TMEM63C: variants seen among roughly 807,000 people sequenced by gnomAD.
TMEM63C encodes the protein transmembrane protein 63C, also known as osmosensitive cation channel TMEM63C.
TMEM63C carries 32 observed loss-of-function variants against 99.2 expected under a neutral mutation model. That is an observed-to-expected ratio of 0.32 (90% CI 0.24 to 0.43). The LOEUF (loss-of-function observed/expected upper bound fraction) is 0.43. TMEM63C is among the 20% of genes least tolerant of loss of function. The pLI, the probability that TMEM63C is intolerant of heterozygous loss-of-function variation, is 1.00. For missense variants in TMEM63C, 826 were observed against 1,053.0 expected, an observed-to-expected ratio of 0.78 and a Z score of 2.98; for synonymous variants, 376 against 397.9, an observed-to-expected ratio of 0.94 and a Z score of 0.66.
intron 1 of TMEM63C, among the ~76,000 whole-genome samples, chr14:77,206,610 T>C (rs989651820): frequency 2.0e-5 from 3 of 152,214 alleles, no homozygotes; most frequent in African/African-American, 7.2e-5. Flanking sequence ...CTGGGCTGCA[T>C]GTCACTGTGA....
chr14:77,245,333 G>A (rs1249657658), intron 16 of TMEM63C, among the ~76,000 whole-genome samples: 2 of 152,174 alleles, frequency 1.3e-5, no homozygotes, highest in Non-Finnish European at 2.9e-5. Flanking sequence ...GCTCACAGTG[G>A]TGTATGGAGA....
At chr14:77,254,979 C>T (rs987902056) in intron 23 of TMEM63C, among the ~76,000 whole-genome samples, 5 of 152,118 alleles carry the variant, frequency 3.3e-5, no homozygotes, top group African/African-American at 1.2e-4. Flanking sequence ...ACTGCACATA[C>T]TGTTTTATAA....
intron 1 of TMEM63C, among the ~76,000 whole-genome samples, chr14:77,186,776 G>GGTGCGTGTGTGTGTGTGTGT (rs1888001633): frequency 1.4e-5 from 2 of 138,550 alleles, no homozygotes; most frequent in East Asian, 4.1e-4. Flanking sequence ...GAACCAAAGG[G>GGTGCGTGTGTGTGTGTGTGT]GTGTGTGTGT....
At chr14:77,190,464 G>C (rs1482243191) in intron 1 of TMEM63C, among the ~76,000 whole-genome samples, 2 of 152,066 alleles carry the variant, frequency 1.3e-5, no homozygotes, top group African/African-American at 2.4e-5. Context: ...GACAAAGATA[G>C]CACAAAAAGA....
chr14:77,194,272 A>G (rs1447581600), intron 1 of TMEM63C, among the ~76,000 whole-genome samples: 3 of 152,154 alleles, frequency 2.0e-5, no homozygotes, highest in Non-Finnish European at 4.4e-5. Context: ...CAAAGCAAAT[A>G]TAAGTACTGG....
At chr14:77,227,482 G>A (rs1888849699) in intron 6 of TMEM63C, among the ~76,000 whole-genome samples, 1 of 152,230 alleles carries the variant, frequency 6.6e-6, no homozygotes. Flanking sequence ...TGACAAAGGA[G>A]CTGTTGAAAA....
chr14:77,186,161 G>A (rs1027472775), intron 1 of TMEM63C, among the ~76,000 whole-genome samples: 2 of 152,032 alleles, frequency 1.3e-5, no homozygotes, highest in Non-Finnish European at 2.9e-5. Flanking sequence ...ACAGGCGTGC[G>A]CCAACACGTC....
At chr14:77,211,802 G>A (rs1888501478) in intron 1 of TMEM63C, among the ~76,000 whole-genome samples, 1 of 152,190 alleles carries the variant, frequency 6.6e-6, no homozygotes, top group South Asian at 2.1e-4. Flanking sequence ...AATGGGACAG[G>A]AAGAGGGCCA....
chr14:77,246,441 C>T (rs759073650), intron 17 of TMEM63C, among the ~76,000 whole-genome samples, 168 bp from the exon 18 acceptor site: 4 of 152,162 alleles, frequency 2.6e-5, no homozygotes, highest in African/African-American at 9.7e-5. Context: ...CCAAAGGGCT[C>T]GGGGCCAGGA....
intron 2 of TMEM63C, among the ~76,000 whole-genome samples, chr14:77,217,555 G>C (rs1473394248): frequency 1.3e-5 from 2 of 152,244 alleles, no homozygotes; most frequent in Non-Finnish European, 2.9e-5. Context: ...TGGAAGTGAA[G>C]GGTTTCCAGG....
At chr14:77,206,655 C>G (rs1888408352) in intron 1 of TMEM63C, among the ~76,000 whole-genome samples, 1 of 152,162 alleles carries the variant, frequency 6.6e-6, no homozygotes, top group Non-Finnish European at 1.5e-5. Context: ...TCCCCATCAA[C>G]AAGTCTGAGT....
intron 9 of TMEM63C, 87 bp downstream of exon 9, chr14:77,236,819 C>A: frequency 1.1e-6 from 1 of 901,952 alleles, no homozygotes; most frequent in Admixed American, 1.8e-5. Flanking sequence ...CAGAGAAGCC[C>A]TCAGAGGGTC....
At chr14:77,234,046 C>G (rs1020777428) in intron 8 of TMEM63C, among the ~76,000 whole-genome samples, 1 of 152,160 alleles carries the variant, frequency 6.6e-6, no homozygotes, top group Non-Finnish European at 1.5e-5. Context: ...AAGCTCCTTC[C>G]CCTCACAGGC....
chr14:77,197,891 T>G (rs1456567781), intron 1 of TMEM63C, among the ~76,000 whole-genome samples: 1 of 152,204 alleles, frequency 6.6e-6, no homozygotes, highest in Non-Finnish European at 1.5e-5. Context: ...GGAAGTGCAG[T>G]CACCTACAGC....
rs568683667 is a variant in TMEM63C, at chr14:77,200,788, G to A, written c.-76-12658G>A. The stretch of plus-strand genomic sequence containing the variant: ...TTCTGCCCTGTCCTCCACATGGTAG[G>A]AGGCCCATGTGTCCTCAGGCTAGAA... On this transcript the variant is annotated intron_variant, in intron 1 of 23. Transcript: ENST00000298351. Among the ~76,000 whole-genome samples, 3 of 152,272 alleles carry A rather than the reference G, an allele frequency of 2.0e-5. No individual in the cohort carries two copies. The East Asian group carries it at 5.8e-4, about 29-fold the overall frequency.
intron 8 of TMEM63C, among the ~76,000 whole-genome samples, chr14:77,234,711 G>A (rs1594863718): frequency 1.3e-5 from 2 of 152,208 alleles, no homozygotes; most frequent in South Asian, 4.1e-4. Flanking sequence ...CTATTTCTGA[G>A]TAGCAATCCT....
At chr14:77,217,127 G>C (rs1208931041) in intron 2 of TMEM63C, among the ~76,000 whole-genome samples, 1 of 151,632 alleles carries the variant, frequency 6.6e-6, no homozygotes, top group Non-Finnish European at 1.5e-5. Context: ...CCGTGACAGA[G>C]TGAGGCTCTA....
intron 1 of TMEM63C, among the ~76,000 whole-genome samples, chr14:77,203,438 G>T (rs184883783): frequency 6.7e-6 from 1 of 149,684 alleles, no homozygotes; most frequent in Non-Finnish European, 1.5e-5. Flanking sequence ...AGTCTTCCTC[G>T]CCACCTAGTT....
chr14:77,212,787 C>A (rs995782246), intron 1 of TMEM63C, among the ~76,000 whole-genome samples: 1 of 152,170 alleles, frequency 6.6e-6, no homozygotes, highest in Non-Finnish European at 1.5e-5. Context: ...GCAGGTTGAG[C>A]AGCCAGGTTG....
Sources: gnomAD v4.1 joint callset for allele counts (sites outside exome capture counted in the v4.1 genomes callset) on GRCh38, gnomAD v4.1.1 for gene constraint, MANE v1.5 for transcripts, NCBI Gene and HGNC (gene_info 2026-07-23, HGNC 2026-07-21) for gene names.